PLCH2: variants seen among roughly 807,000 people sequenced by gnomAD.
PLCH2 encodes 1-phosphatidylinositol 4,5-bisphosphate phosphodiesterase eta-2.
A neutral mutation model predicts 134.7 loss-of-function variants in PLCH2; 98 were observed. The ratio of observed to expected loss-of-function variants is 0.73; its 90% CI spans 0.62 to 0.86. The LOEUF (loss-of-function observed/expected upper bound fraction) is 0.86. PLCH2 is among the 40% of genes least tolerant of loss of function. The pLI, the probability that PLCH2 is intolerant of heterozygous loss-of-function variation, is 0.00. For synonymous variants in PLCH2, 974 were observed against 827.5 expected (o/e 1.18, Z -3.04); for missense variants, 1,994 against 1,986.6 (o/e 1.00, Z -0.07).
chr1:2,485,632 C>A (rs1205978212), intron 5 of PLCH2, among the ~76,000 whole-genome samples: 1 of 151,458 alleles, frequency 6.6e-6, no homozygotes, highest in Non-Finnish European at 1.5e-5. Context: ...ACTCTACTGG[C>A]CTCAGCCTGG....
intron 11 of PLCH2, among the ~76,000 whole-genome samples, chr1:2,492,132 C>G (rs1254352112): frequency 6.6e-6 from 1 of 152,194 alleles, no homozygotes; most frequent in Non-Finnish European, 1.5e-5. Flanking sequence ...TTGCTCTTTT[C>G]CTAACCCTTG....
intron 2 of PLCH2, among the ~76,000 whole-genome samples, chr1:2,438,016 G>A (rs897014619): frequency 1.3e-5 from 2 of 152,190 alleles, no homozygotes; most frequent in Non-Finnish European, 2.9e-5. Flanking sequence ...CTCCAGGCCC[G>A]CCTGGCACCT....
chr1:2,454,929 C>T (rs1640416026), intron 2 of PLCH2, among the ~76,000 whole-genome samples: 1 of 152,132 alleles, frequency 6.6e-6, no homozygotes, highest in African/African-American at 2.4e-5. Flanking sequence ...GTGTGCGTCA[C>T]CCCCAGAAAC....
chr1:2,466,994 A>G (rs1227356959), upstream of PLCH2, among the ~76,000 whole-genome samples: 2 of 152,184 alleles, frequency 1.3e-5, no homozygotes, highest in East Asian at 3.9e-4. Context: ...ATGTCACCTC[A>G]ATGACCCTTG....
At chr1:2,487,941 C>A (rs867091228) in intron 8 of PLCH2, among the ~76,000 whole-genome samples, 1 of 152,214 alleles carries the variant, frequency 6.6e-6, no homozygotes, top group Non-Finnish European at 1.5e-5. Context: ...CTCGTCCACA[C>A]GCCTGGTGGC....
chr1:2,442,529 C>A (rs540512025), intron 2 of PLCH2, among the ~76,000 whole-genome samples: 2 of 152,222 alleles, frequency 1.3e-5, no homozygotes, highest in Non-Finnish European at 2.9e-5. Flanking sequence ...GCAGAGCTGA[C>A]GGGCCCAGGG....
In PLCH2 at chr1:2,491,271, A is replaced by C; in HGVS notation, c.1595A>C (p.Asp532Ala). 1.2e-6 allele frequency: 2 copies of C among 1,613,332 alleles called. No homozygotes were observed. Among genetic ancestry groups the C allele is most frequent in the Non-Finnish European group, 8.5e-7 (1 of 1,179,846 alleles). The change falls in exon 11 of 22, where the codon GAC (aspartate) becomes GCC (alanine). Residue 532 changes from aspartate (D) to alanine (A), a missense_variant. Physicochemically the swap from Asp to Ala is moderately radical, Grantham distance 126. This residue lies in a region of PLCH2 where 1,094 missense variants were observed against 1,234.3 expected (regional missense o/e 0.89). Coordinates refer to ENST00000378486, the MANE Select transcript of PLCH2 (RefSeq NM_014638.4). Reference protein sequence around the residue: ...DSLIKESKIRDCEDPNNFSVS... With the variant: ...DSLIKESKIRACEDPNNFSVS... ...CTCATCAAAGAGTCGAAGATTCGGG[A>C]CTGTGAGGACCCCAACAACTTCTCC...
upstream of PLCH2, among the ~76,000 whole-genome samples, chr1:2,423,189 GTTGT>G (rs943064795): frequency 9.5e-5 from 14 of 146,602 alleles, no homozygotes; most frequent in East Asian, 1.6e-3. Flanking sequence ...TTGTTTGTTT[GTTGT>G]TTGTTTGTTT....
chr1:2,458,645 G>A (rs1447233036), intron 2 of PLCH2, among the ~76,000 whole-genome samples: 1 of 152,118 alleles, frequency 6.6e-6, no homozygotes, highest in Admixed American at 6.5e-5. Context: ...GCCAGTGGCT[G>A]AGTGGCCGGA....
At chr1:2,468,133 C>T (rs1460556661) in intron 1 of PLCH2, among the ~76,000 whole-genome samples, 2 of 152,180 alleles carry the variant, frequency 1.3e-5, no homozygotes, top group Non-Finnish European at 2.9e-5. Flanking sequence ...TCTGGGGGCT[C>T]TCCTGGCCCA....
intron 2 of PLCH2, among the ~76,000 whole-genome samples, chr1:2,431,013 C>G (rs904234071): frequency 1.3e-5 from 2 of 152,192 alleles, no homozygotes; most frequent in Non-Finnish European, 2.9e-5. Context: ...GCGAAGGCCT[C>G]CCGATGTGGC....
the PLCH2 span, among the ~76,000 whole-genome samples, chr1:2,419,767 G>A: frequency 6.6e-6 from 1 of 152,096 alleles, no homozygotes; most frequent in Non-Finnish European, 1.5e-5. Context: ...CTTGGGGGCC[G>A]CTCATCCTTC....
chr1:2,501,596 A>ACACG (rs1192283018), intron 20 of PLCH2: 1 of 154,738 alleles, frequency 6.5e-6, no homozygotes, highest in African/African-American at 2.4e-5. Flanking sequence ...AGTGGGCAGG[A>ACACG]CACGGGCCGG....
chr1:2,431,004 C>T (rs948272765), intron 2 of PLCH2, among the ~76,000 whole-genome samples: 2 of 152,204 alleles, frequency 1.3e-5, no homozygotes, highest in African/African-American at 2.4e-5. Flanking sequence ...GTCAGAAGGG[C>T]GAAGGCCTCC....
At chr1:2,433,214 C>T (rs1639153511) in intron 2 of PLCH2, among the ~76,000 whole-genome samples, 1 of 152,228 alleles carries the variant, frequency 6.6e-6, no homozygotes, top group Non-Finnish European at 1.5e-5. Context: ...TGTACGTGCT[C>T]AGGTGTCCGG....
intron 2 of PLCH2, among the ~76,000 whole-genome samples, chr1:2,459,456 C>G (rs866797581): frequency 0.012 from 409 of 34,564 alleles, 67 homozygotes; most frequent in East Asian, 0.044. Flanking sequence ...GGTCCTCCTT[C>G]CTGGTGGTTC....
intron 1 of PLCH2, among the ~76,000 whole-genome samples, chr1:2,470,713 G>A (rs775340782): frequency 2.8e-4 from 43 of 152,206 alleles, no homozygotes; most frequent in African/African-American, 6.8e-4. Flanking sequence ...CACTTGGCCC[G>A]AGGACCCTCC....
chr1:2,499,513 G>C (rs1167034127), intron 19 of PLCH2, 128 bp from the exon 20 acceptor site: 3 of 762,098 alleles, frequency 3.9e-6, no homozygotes, highest in East Asian at 5.4e-5. Context: ...ACAGGAGGCA[G>C]AGGCCCCAGG....
chr1:2,425,023 C>T (rs910772143), upstream of PLCH2, among the ~76,000 whole-genome samples: 11 of 151,956 alleles, frequency 7.2e-5, no homozygotes, highest in South Asian at 2.1e-4. Flanking sequence ...ATTAGACGTG[C>T]GTGGTGGCGG....
Sources: allele counts gnomAD v4.1 joint callset (sites outside exome capture counted in the v4.1 genomes callset), GRCh38; gene constraint gnomAD v4.1.1; regional missense constraint gnomAD v4.1.1; transcripts MANE v1.5; gene names NCBI Gene and HGNC (gene_info 2026-07-23, HGNC 2026-07-21).